The following ATL1 variants were observed in gnomAD, a reference collection of about 807,000 sequenced individuals.
The protein encoded by ATL1 is atlastin-1.
In ATL1, 31 loss-of-function variants were observed where a neutral mutation model predicts 75.5. The ratio of observed to expected loss-of-function variants is 0.41; its 90% CI spans 0.31 to 0.55. The LOEUF is 0.55. Ranked by LOEUF, ATL1 falls within the 20% of genes least tolerant of loss-of-function variation. ATL1 has a pLI of 0.27. For missense variants in ATL1, 405 were observed against 662.6 expected (o/e 0.61, Z 4.27); for synonymous variants, 226 against 233.3 (o/e 0.97, Z 0.28).
chr14:50,595,454 G>A (rs1222857762), intron 5 of ATL1, 122 bp from the exon 6 acceptor site: 14 of 854,786 alleles, frequency 1.6e-5, no homozygotes, highest in Admixed American at 1.0e-4. Context: ...GTAATATTCT[G>A]TTATACCTAG....
chr14:50,629,580 T>TC (rs756777188), intron 12 of ATL1, among the ~76,000 whole-genome samples: 7 of 76,942 alleles, frequency 9.1e-5, no homozygotes, highest in East Asian at 3.3e-4. Flanking sequence ...AAGCTCCATC[T>TC]CCCAAAAAAA....
At chr14:50,552,367 T>A (rs1595573340) in intron 1 of ATL1, among the ~76,000 whole-genome samples, 1 of 152,240 alleles carries the variant, frequency 6.6e-6, no homozygotes, top group Non-Finnish European at 1.5e-5. Context: ...AAATCATAGA[T>A]GACACAAACA....
intron 1 of ATL1, among the ~76,000 whole-genome samples, chr14:50,574,028 A>G (rs1176711806): frequency 6.6e-6 from 1 of 152,156 alleles, no homozygotes; most frequent in African/African-American, 2.4e-5. Context: ...AGACTGACTG[A>G]TAACCGTAAA....
chr14:50,632,455 T>C lies in ATL1; in HGVS notation c.*116T>C, dbSNP rs2039592242. 5.5e-6 allele frequency: 4 copies of C among 725,648 alleles called. No individual in the cohort carries two copies. Among genetic ancestry groups the C allele is most frequent in the Admixed American group, 2.1e-5 (1 of 47,530 alleles). 45.0% of individuals were successfully genotyped at this position (725,648 alleles called of 1,614,324 possible). On this transcript the variant is annotated 3_prime_UTR_variant, in exon 14 of 14. Transcript: ENST00000358385. ...AGAACGGAGTAAAATACTAAACACC[T>C]CTGAAGACTGCAAACTGGATTAGTT... is the stretch of plus-strand genomic sequence containing the variant.
intron 11 of ATL1, among the ~76,000 whole-genome samples, chr14:50,625,586 C>A (rs1202790922): frequency 6.6e-6 from 1 of 152,124 alleles, no homozygotes; most frequent in Non-Finnish European, 1.5e-5. Flanking sequence ...AAGTCGAACC[C>A]AGTGTTCATT....
At chr14:50,600,471 G>A (rs1271742475) in intron 6 of ATL1, among the ~76,000 whole-genome samples, 2 of 152,050 alleles carry the variant, frequency 1.3e-5, no homozygotes. Context: ...GGCATCCAAA[G>A]TTATTTTATA....
chr14:50,594,212 C>A (rs1248128379), intron 5 of ATL1, among the ~76,000 whole-genome samples: 1 of 152,152 alleles, frequency 6.6e-6, no homozygotes, highest in Non-Finnish European at 1.5e-5. Flanking sequence ...GTGGGAGGAG[C>A]CCCTTATAAA....
chr14:50,610,510 C>T (rs2039355848), intron 6 of ATL1, among the ~76,000 whole-genome samples: 1 of 152,066 alleles, frequency 6.6e-6, no homozygotes. Context: ...ATTTGGCCCA[C>T]TTTTATTTTA....
At chr14:50,586,866 C>T (rs772546158) in intron 1 of ATL1, among the ~76,000 whole-genome samples, 3 of 152,054 alleles carry the variant, frequency 2.0e-5, no homozygotes, top group Non-Finnish European at 4.4e-5. Flanking sequence ...TCTTAATTTT[C>T]TCATGTGTCA....
Position 50,588,031 on chromosome 14 carries a change from G to A in ATL1, c.235G>A (p.Gly79Arg). 3 of 1,614,124 alleles carry A rather than the reference G, an allele frequency of 1.9e-6. No homozygotes were observed. Among genetic ancestry groups the A allele is most frequent in the Non-Finnish European group, 2.5e-6 (3 of 1,180,018 alleles). The stretch of plus-strand genomic sequence containing the variant: ...ATCTGTTGCTGGAGCATTTAGAAAA[G>A]GAAAATCATTCCTGATGGACTTCAT... ...AVSVAGAFRK[G>R]KSFLMDFMLR... Residue 79 changes from glycine (G) to arginine (R), a missense_variant, in exon 2 of 14, where the codon GGA (glycine) becomes AGA (arginine). Physicochemically the swap from Gly to Arg is moderately radical, Grantham distance 125. Transcript: ENST00000358385.
intron 4 of ATL1, among the ~76,000 whole-genome samples, chr14:50,592,736 C>T (rs2039171294): frequency 6.6e-6 from 1 of 150,912 alleles, no homozygotes; most frequent in South Asian, 2.1e-4. Flanking sequence ...ACGGTGAAAC[C>T]CCGTCTCTAC....
chr14:50,552,123 A>T (rs978853585), intron 1 of ATL1, among the ~76,000 whole-genome samples: 1 of 152,180 alleles, frequency 6.6e-6, no homozygotes, highest in African/African-American at 2.4e-5. Flanking sequence ...CTAAAGACTC[A>T]TCCAAAAATC....
chr14:50,534,561 G>A (rs1595560980), intron 1 of ATL1, among the ~76,000 whole-genome samples: 1 of 152,342 alleles, frequency 6.6e-6, no homozygotes, highest in East Asian at 1.9e-4. Flanking sequence ...AATGTTTGAG[G>A]TCATAGGCTT....
intron 11 of ATL1, among the ~76,000 whole-genome samples, chr14:50,625,856 G>A (rs937350403): frequency 6.7e-6 from 1 of 150,244 alleles, no homozygotes; most frequent in Admixed American, 6.7e-5. Context: ...TTTGCAATGA[G>A]TCGAGATCAC....
At chr14:50,612,928 A>T (rs1313728365) in intron 6 of ATL1, among the ~76,000 whole-genome samples, 2 of 152,156 alleles carry the variant, frequency 1.3e-5, no homozygotes, top group African/African-American at 4.8e-5. Flanking sequence ...AGAAAGGAAG[A>T]TTCCTAGGAA....
intron 1 of ATL1, among the ~76,000 whole-genome samples, chr14:50,540,728 T>C (rs961271166): frequency 6.6e-6 from 1 of 152,174 alleles, no homozygotes; most frequent in Non-Finnish European, 1.5e-5. Flanking sequence ...TATATGTGAG[T>C]ATAGATATAT....
At chr14:50,573,873 C>A (rs2038977440) in intron 1 of ATL1, among the ~76,000 whole-genome samples, 1 of 152,054 alleles carries the variant, frequency 6.6e-6, no homozygotes, top group South Asian at 2.1e-4. Flanking sequence ...TAAGTTTAAC[C>A]TTTTATTTTT....
intron 1 of ATL1, among the ~76,000 whole-genome samples, chr14:50,585,696 A>C (rs2039095058): frequency 6.6e-6 from 1 of 152,200 alleles, no homozygotes; most frequent in Non-Finnish European, 1.5e-5. Context: ...GAATCTTTTT[A>C]AAATGGAGCA....
At chr14:50,576,270 G>A (rs780577257) in intron 1 of ATL1, among the ~76,000 whole-genome samples, 3 of 152,106 alleles carry the variant, frequency 2.0e-5, no homozygotes, top group South Asian at 2.1e-4. Flanking sequence ...GAGGTTAGGT[G>A]TATCAAATGC....
Sources: gnomAD v4.1 joint callset for allele counts (sites outside exome capture counted in the v4.1 genomes callset) on GRCh38, gnomAD v4.1.1 for gene constraint, MANE v1.5 for transcripts, NCBI Gene and HGNC (gene_info 2026-07-23, HGNC 2026-07-21) for gene names.